RFPL2: variants seen among roughly 807,000 people sequenced by gnomAD.
The protein encoded by RFPL2 is ret finger protein like 2.
In RFPL2, 13 loss-of-function variants were observed where a neutral mutation model predicts 17.8. The ratio of observed to expected loss-of-function variants is 0.73; its 90% CI spans 0.47 to 1.16. RFPL2 has a LOEUF of 1.16. Ranked by LOEUF, RFPL2 falls within the 50% of genes most tolerant of loss-of-function variation. The probability of loss-of-function intolerance (pLI) is 0.00; values close to 1 mark genes in which losing one functional copy is unlikely to be tolerated. For missense variants in RFPL2, 431 were observed against 479.3 expected (o/e 0.90, Z 0.94); for synonymous variants, 189 against 180.9 (o/e 1.04, Z -0.36).
Position 32,204,855 on chromosome 22 carries a change from T to C in RFPL2, c.-248A>G, listed in dbSNP as rs1418433257. ...AAAACCTCTAGGTCTACTCTGATTGTGCTTTATTTTCACGTTCTGACTGGA... is the reference window on the plus strand; with the variant it reads ...AAAACCTCTAGGTCTACTCTGATTGCGCTTTATTTTCACGTTCTGACTGGA... On this transcript the variant is annotated 5_prime_UTR_variant, in exon 1 of 5. Transcript: ENST00000652607. Among the ~76,000 whole-genome samples, 1 of 152,232 alleles carries C rather than the reference T, an allele frequency of 6.6e-6. No individual in the cohort carries two copies. Among genetic ancestry groups the C allele is most frequent in the Non-Finnish European group, 1.5e-5 (1 of 68,040 alleles).
chr22:32,202,532 C>A lies in RFPL2; in HGVS notation c.-81G>T. On this transcript the variant is annotated 5_prime_UTR_variant, in exon 2 of 5. Coordinates refer to ENST00000652607, the MANE Select transcript of RFPL2 (RefSeq NM_001394555.1). Reference sequence around the variant, plus strand: ...CTTCTCAGGGCACTGGGCATCCGGGCAGACAAAGCCAGAAAAGCCTAGAAC... The same window carrying A: ...CTTCTCAGGGCACTGGGCATCCGGGAAGACAAAGCCAGAAAAGCCTAGAAC... 6.5e-7 allele frequency: 1 copy of A among 1,534,938 alleles called. No homozygotes were observed.
rs1922588799 is a variant in RFPL2, at chr22:32,191,180, C to T, written c.729G>A (p.Trp243Ter). ...CTGTGCTTGTTCCCACGTCCACCTC[C>T]CAGCAGTGGCGGCCACAGGTAAAGC... ...SPRFTCGRHC[W>*]EVDVGTSTEW... Residue 243 changes from tryptophan (W) to a stop codon, truncating the protein, a stop_gained, in exon 5 of 5, where the codon TGG (tryptophan) becomes TGA (stop). Transcript: ENST00000652607. LOFTEE classifies it low-confidence loss of function (END_TRUNC). 1.2e-6 allele frequency: 2 copies of T among 1,613,958 alleles called. No homozygotes were observed. Among genetic ancestry groups the T allele is most frequent in the Non-Finnish European group, 1.7e-6 (2 of 1,179,870 alleles).
chr22:32,197,453 G>A (rs1484454185), intron 2 of RFPL2, among the ~76,000 whole-genome samples: 1 of 150,166 alleles, frequency 6.7e-6, no homozygotes, highest in African/African-American at 2.5e-5. Context: ...TGGGGTGCAT[G>A]CGCACAACAT....
At chr22:32,192,414 C>A (rs1410208602) in intron 4 of RFPL2, among the ~76,000 whole-genome samples, 1 of 152,262 alleles carries the variant, frequency 6.6e-6, no homozygotes, top group Non-Finnish European at 1.5e-5. Context: ...ACCATAGGTG[C>A]TCCATTCCCA....
intron 2 of RFPL2, 81 bp from the exon 3 acceptor site, chr22:32,194,571 T>G (rs1923123672): frequency 7.2e-7 from 1 of 1,381,402 alleles, no homozygotes; most frequent in Non-Finnish European, 1.0e-6. Context: ...AAATCCTTCA[T>G]CCTGACAGTG....
At position 32,191,052 on chromosome 22, in the gene RFPL2, C is replaced by A. The variant is rs748164882; in HGVS notation, c.857G>T (p.Arg286Leu). 1.9e-6 allele frequency: 3 copies of A among 1,613,828 alleles called. No homozygotes were observed. In the African/African-American group the frequency reaches 4.0e-5, roughly 22 times the overall value. Residue 286 changes from arginine to leucine, a missense_variant, in exon 5 of 5, where the codon CGC (arginine) becomes CTC (leucine). Arg to Leu is a moderately radical substitution (Grantham distance 102). Transcript: ENST00000652607. The stretch of plus-strand genomic sequence containing the variant: ...CAGCGGCACCGTGGTGGCAGAGAGG[C>A]GGCCTCCATCCCTCAAACTCACAGT... ...FWTVSLRDGG[R>L]LSATTVPLTF... is the part of the protein sequence containing the mutation.
At position 32,202,483 on chromosome 22, in the gene RFPL2, C is replaced by G. The variant is rs181428428; in HGVS notation, c.-32G>C. The stretch of plus-strand genomic sequence containing the variant: ...CAAATCATGGTGCCACAGGCTCTAG[C>G]CTCCAGCCCGTGGCATGTAGCTCCT... On this transcript the variant is annotated 5_prime_UTR_variant, in exon 2 of 5. Coordinates refer to ENST00000652607, the MANE Select transcript of RFPL2 (RefSeq NM_001394555.1). 1 of 1,562,062 alleles carries G rather than the reference C, an allele frequency of 6.4e-7. No individual in the cohort carries two copies. Among genetic ancestry groups the G allele is most frequent in the African/African-American group, 1.4e-5 (1 of 73,634 alleles).
intron 1 of RFPL2, chr22:32,203,085 G>C: frequency 1.0e-6 from 1 of 985,704 alleles, no homozygotes; most frequent in Non-Finnish European, 1.2e-6. Context: ...CGCTGTCACT[G>C]ACACCTCCAC....
intron 2 of RFPL2, among the ~76,000 whole-genome samples, chr22:32,197,677 G>A (rs556890538): frequency 1.2e-4 from 18 of 152,222 alleles, no homozygotes; most frequent in Middle Eastern, 3.4e-3. Context: ...CTGTCCTTGC[G>A]TTGGTTTGCT....
Position 32,190,882 on chromosome 22 carries a change from A to G in RFPL2, c.1027T>C (p.Phe343Leu). The stretch of plus-strand genomic sequence containing the variant: ...TTAGGTGGAACTGAAGGAGCCAAAA[A>G]TGGGCGCAATGGCTCCTCAGCAGAT... ...SVSAEEPLRPFLAPSVPPNGD... is the reference protein window; with the variant it reads ...SVSAEEPLRPLLAPSVPPNGD... The change falls in exon 5 of 5, where the codon TTT (phenylalanine) becomes CTT (leucine). Residue 343 changes from phenylalanine (F) to leucine (L), a missense_variant. Physicochemically the swap from Phe to Leu is conservative, Grantham distance 22. Transcript: ENST00000652607. The G allele has an allele frequency of 6.3e-7, 1 of 1,593,454 alleles. No homozygotes were observed. The highest frequency in any genetic ancestry group is 8.6e-7 in the Non-Finnish European group (1 of 1,169,394).
At chr22:32,201,706 C>T (rs1021814976) in intron 2 of RFPL2, among the ~76,000 whole-genome samples, 3 of 152,212 alleles carry the variant, frequency 2.0e-5, no homozygotes, top group Non-Finnish European at 2.9e-5. Flanking sequence ...GGGGCTCCAG[C>T]TGCTCTCTGA....
chr22:32,202,641 A>G, intron 1 of RFPL2, 91 bp from the exon 2 acceptor site: 6 of 1,411,704 alleles, frequency 4.3e-6, no homozygotes, highest in Non-Finnish European at 5.5e-6. Context: ...AGGTACTCAC[A>G]CCCACACTTC....
chr22:32,200,482 G>T (rs1257801043), intron 2 of RFPL2, among the ~76,000 whole-genome samples: 1 of 152,124 alleles, frequency 6.6e-6, no homozygotes, highest in East Asian at 1.9e-4. Flanking sequence ...AGTAGCCCAG[G>T]GGGAGAGGCT....
chr22:32,199,652 G>A (rs917399010), intron 2 of RFPL2, among the ~76,000 whole-genome samples: 9 of 152,196 alleles, frequency 5.9e-5, no homozygotes, highest in Non-Finnish European at 1.2e-4. Flanking sequence ...AGCGGCAGGC[G>A]GTTGAGGGTC....
chr22:32,202,289 A>G, intron 2 of RFPL2, 44 bp downstream of exon 2: 4 of 1,553,658 alleles, frequency 2.6e-6, no homozygotes, highest in Non-Finnish European at 3.5e-6. Context: ...CCTTATAAAG[A>G]CTCCACCCTG....
In RFPL2 at chr22:32,190,643, T is replaced by G. The variant is rs1378411434; in HGVS notation, c.*129A>C. 4 of 927,956 alleles carry G rather than the reference T, an allele frequency of 4.3e-6. No individual in the cohort carries two copies. Among genetic ancestry groups the G allele is most frequent in the Non-Finnish European group, 6.3e-6 (4 of 632,322 alleles). 57.5% of individuals were successfully genotyped at this position (927,956 alleles called of 1,614,324 possible). On this transcript the variant is annotated 3_prime_UTR_variant, in exon 5 of 5. Transcript: ENST00000652607. ...TATAATCTAATCAAATTAGATTAAGTACAATCAAGAAATGTCCCATATTTT... is the reference window on the plus strand; with the variant it reads ...TATAATCTAATCAAATTAGATTAAGGACAATCAAGAAATGTCCCATATTTT...
rs3986037 is a variant in RFPL2 at position 32,194,461 on chromosome 22, C to T, written c.149G>A (p.Arg50His). The change falls in exon 3 of 5, where the codon CGT (arginine) becomes CAT (histidine). Residue 50 changes from arginine (R) to histidine (H), a missense_variant. Physicochemically the swap from Arg to His is conservative, Grantham distance 29. Coordinates refer to ENST00000652607, the MANE Select transcript of RFPL2 (RefSeq NM_001394555.1). Reference protein sequence around the residue: ...SLIRLEGVEGRDPVGGGNLTN... With the variant: ...SLIRLEGVEGHDPVGGGNLTN... ...GAGATTCCCACCTCCCACTGGGTCA[C>T]GCCCTTCCACACCCTCTAACCTGAT... The T allele has an allele frequency of 4.0e-3, 6,453 of 1,610,052 alleles. 28 individuals carry two copies. Among genetic ancestry groups the T allele is most frequent in the Non-Finnish European group, 4.8e-3 (5,638 of 1,177,612 alleles).
intron 1 of RFPL2, chr22:32,203,170 C>A (rs1924128865): frequency 1.2e-6 from 1 of 838,394 alleles, no homozygotes; most frequent in Non-Finnish European, 1.4e-6. Context: ...CACCCAATGG[C>A]GCTGGCAGCC....
Position 32,191,206 on chromosome 22 carries a change from G to A in RFPL2, c.703C>T (p.Arg235Cys), listed in dbSNP as rs1379803837. The change falls in exon 5 of 5, where the codon CGC becomes TGC. Residue 235 changes from arginine (R) to cysteine (C), a missense_variant. Physicochemically the swap from Arg to Cys is radical, Grantham distance 180. Coordinates refer to ENST00000652607, the MANE Select transcript of RFPL2 (RefSeq NM_001394555.1). The stretch of plus-strand genomic sequence containing the variant: ...CAGCAGTGGCGGCCACAGGTAAAGC[G>A]AGGGGAGCCCAGGATGCAAACGGAC... ...DVSVCILGSP[R>C]FTCGRHCWEV... 5 of 1,613,904 alleles carry A rather than the reference G, an allele frequency of 3.1e-6. No individual in the cohort carries two copies. The highest frequency in any genetic ancestry group is 1.1e-5 in the South Asian group (1 of 91,070).
Sources: gnomAD v4.1 joint callset for allele counts (sites outside exome capture counted in the v4.1 genomes callset) on GRCh38, gnomAD v4.1.1 for gene constraint, MANE v1.5 for transcripts, NCBI Gene and HGNC (gene_info 2026-07-23, HGNC 2026-07-21) for gene names.